Variants in JMJD1C observed in about 807,000 individuals in gnomAD.
JMJD1C encodes jumonji domain containing 1C.
A neutral mutation model predicts 245.3 loss-of-function variants in JMJD1C; 31 were observed. The observed-to-expected ratio is 0.13, with a 90% CI of 0.09 to 0.17. JMJD1C has a LOEUF of 0.17. Among genes scored for constraint, JMJD1C ranks in the 10% least tolerant of loss-of-function variants. The pLI, the probability that JMJD1C is intolerant of heterozygous loss-of-function variation, is 1.00. For missense variants in JMJD1C, 2,691 were observed against 3,000.2 expected, an observed-to-expected ratio of 0.90 and a Z score of 2.41; for synonymous variants, 1,057 against 1,017.4, an observed-to-expected ratio of 1.04 and a Z score of -0.74.
intron 1 of JMJD1C, among the ~76,000 whole-genome samples, chr10:63,508,014 C>A (rs936658957): frequency 6.6e-6 from 1 of 152,064 alleles, no homozygotes; most frequent in Non-Finnish European, 1.5e-5. Context: ...TTCCTCCCAG[C>A]CTGTGGCTTG....
intron 1 of JMJD1C, among the ~76,000 whole-genome samples, chr10:63,509,414 A>G (rs1315144167): frequency 1.3e-5 from 2 of 152,206 alleles, no homozygotes; most frequent in Non-Finnish European, 2.9e-5. Flanking sequence ...TTGAATTAGG[A>G]TAATGGCAGA....
Position 63,465,789 on chromosome 10 carries a change from A to C in JMJD1C, c.-127T>G. On this transcript the variant is annotated 5_prime_UTR_variant, in exon 1 of 26. Transcript: ENST00000399262. ...CAGCAGCGGACCCGAAAGAGCGCAG[A>C]CTCGGGACGAACCGGCCGCTCTGCC... The C allele has an allele frequency of 8.7e-7, 1 of 1,155,532 alleles. No homozygotes were observed. The highest frequency in any genetic ancestry group is 1.3e-6 in the Non-Finnish European group (1 of 796,366). 71.6% of individuals were successfully genotyped at this position (1,155,532 alleles called of 1,614,324 possible).
chr10:63,340,755 G>C (rs1943298261), intron 2 of JMJD1C, among the ~76,000 whole-genome samples: 1 of 152,066 alleles, frequency 6.6e-6, no homozygotes, highest in Non-Finnish European at 1.5e-5. Context: ...GACTAGCCTG[G>C]CCAACATGGT....
chr10:63,418,910 G>C (rs1269477824), intron 1 of JMJD1C, among the ~76,000 whole-genome samples: 1 of 151,092 alleles, frequency 6.6e-6, no homozygotes, highest in East Asian at 1.9e-4. Context: ...AACTCTGTCT[G>C]TACCAAAAAT....
chr10:63,207,747 G>A lies in JMJD1C; in HGVS notation c.3922C>T (p.Arg1308Cys), dbSNP rs766701870. ...LQAAMASVIV[R>C]PSSSTKTDSM... is the part of the protein sequence containing the mutation. ...TCAGTTTTTGTACTAGAAGATGGAC[G>A]CACAATGACAGATGCCATAGCAGCC... The change falls in exon 10 of 26, where the codon CGT becomes TGT. Residue 1308 changes from arginine (R) to cysteine (C), a missense_variant. Coordinates refer to ENST00000399262, the MANE Select transcript of JMJD1C (RefSeq NM_032776.3). The A allele has an allele frequency of 3.2e-5, 51 of 1,614,006 alleles. No individual in the cohort carries two copies. Among genetic ancestry groups the A allele is most frequent in the Admixed American group, 2.5e-4 (15 of 59,998 alleles).
intron 1 of JMJD1C, among the ~76,000 whole-genome samples, chr10:63,392,235 C>G (rs1589654657): frequency 6.6e-6 from 1 of 151,760 alleles, no homozygotes; most frequent in South Asian, 2.1e-4. Flanking sequence ...GGATTAAAAA[C>G]TTAAAACATA....
chr10:63,465,315 G>T, intron 1 of JMJD1C, 180 bp downstream of exon 1: 1 of 664,756 alleles, frequency 1.5e-6, no homozygotes, highest in Non-Finnish European at 2.5e-6. Context: ...AGGGGAAGCC[G>T]CTCGGAGAGA....
At chr10:63,258,974 A>T (rs1050368692) in intron 3 of JMJD1C, among the ~76,000 whole-genome samples, 1 of 152,210 alleles carries the variant, frequency 6.6e-6, no homozygotes, top group Non-Finnish European at 1.5e-5. Context: ...TATACTAATA[A>T]ATACTGTACC....
chr10:63,327,251 CAAT>C (rs1329978903), intron 2 of JMJD1C, among the ~76,000 whole-genome samples: 2 of 152,096 alleles, frequency 1.3e-5, no homozygotes, highest in African/African-American at 4.8e-5. Context: ...TATGAGAACA[CAAT>C]AATAATAATA....
intron 2 of JMJD1C, chr10:63,358,888 A>C (rs1348935241): frequency 6.5e-6 from 1 of 154,556 alleles, no homozygotes; most frequent in African/African-American, 2.4e-5. Flanking sequence ...TAACGATCAG[A>C]TTGTATCTTG....
At chr10:63,381,676 A>G (rs1947231172) in intron 1 of JMJD1C, among the ~76,000 whole-genome samples, 2 of 152,220 alleles carry the variant, frequency 1.3e-5, no homozygotes, top group African/African-American at 4.8e-5. Flanking sequence ...ATGAACTTGA[A>G]TTAGAAAGGA....
chr10:63,193,166 C>T lies in JMJD1C; in HGVS notation c.5863-15G>A, dbSNP rs1342282658. 5 of 1,593,876 alleles carry T rather than the reference C, an allele frequency of 3.1e-6. No homozygotes were observed. The highest frequency in any genetic ancestry group is 4.3e-6 in the Non-Finnish European group (5 of 1,164,060). On this transcript the variant is annotated splice_polypyrimidine_tract_variant and intron_variant, in intron 15 of 25. Coordinates refer to ENST00000399262, the MANE Select transcript of JMJD1C (RefSeq NM_032776.3). ...TTCTGTAAAACCTACAAAGGTAGAA[C>T]AATTACATTTTTAAACACTTTCTTC...
intron 1 of JMJD1C, among the ~76,000 whole-genome samples, chr10:63,507,552 G>C (rs1008202166): frequency 6.9e-6 from 1 of 144,284 alleles, no homozygotes; most frequent in East Asian, 2.2e-4. Context: ...GACTGAGGCA[G>C]GAGAATCACT....
At position 63,243,260 on chromosome 10, in the gene JMJD1C, C is replaced by T. The variant is rs1851751632; in HGVS notation, c.447+21391G>A. Among the ~76,000 whole-genome samples the T allele has an allele frequency of 2.6e-5, 4 of 151,836 alleles. No individual in the cohort carries two copies. The South Asian group carries it at 8.3e-4, about 31-fold the overall frequency. On this transcript the variant is annotated intron_variant, in intron 3 of 25. Transcript: ENST00000399262. ...TGATTAATTTGGCCAGGCGTGGTGG[C>T]TCACGCCTGTAATCCTAGCACTTTG...
At chr10:63,262,262 G>C (rs12766208) in intron 3 of JMJD1C, among the ~76,000 whole-genome samples, 30,727 of 152,010 alleles carry the variant, frequency 0.2, 4,081 homozygotes, top group Non-Finnish European at 0.29. Context: ...ATCTGGTATA[G>C]AGCCATTGTA....
At chr10:63,242,479 T>C (rs550712328) in intron 3 of JMJD1C, among the ~76,000 whole-genome samples, 3 of 152,306 alleles carry the variant, frequency 2.0e-5, no homozygotes, top group East Asian at 3.9e-4. Context: ...CCCAGCACTT[T>C]GGGAGGCCAA....
intron 2 of JMJD1C, among the ~76,000 whole-genome samples, chr10:63,353,890 G>A (rs944520478): frequency 6.6e-6 from 1 of 151,910 alleles, no homozygotes; most frequent in African/African-American, 2.4e-5. Flanking sequence ...AGCCAGGCTG[G>A]AGTGCAGTGG....
At chr10:63,454,555 C>G (rs1564937163) in intron 1 of JMJD1C, among the ~76,000 whole-genome samples, 1 of 151,850 alleles carries the variant, frequency 6.6e-6, no homozygotes, top group African/African-American at 2.4e-5. Context: ...CTCAGCCCCC[C>G]TAGTAGCTGG....
intron 1 of JMJD1C, among the ~76,000 whole-genome samples, chr10:63,398,478 C>T (rs1948643429): frequency 6.6e-6 from 1 of 151,962 alleles, no homozygotes; most frequent in South Asian, 2.1e-4. Context: ...AAAAGACTAC[C>T]TCATACATAA....
Sources: allele counts gnomAD v4.1 joint callset (sites outside exome capture counted in the v4.1 genomes callset), GRCh38; gene constraint gnomAD v4.1.1; transcripts MANE v1.5; gene names NCBI Gene and HGNC (gene_info 2026-07-23, HGNC 2026-07-21).